Variants in SLC12A9 observed in about 807,000 individuals in gnomAD.
SLC12A9 encodes solute carrier family 12 member 9, also known as CCC-interacting protein 1.
Under a neutral mutation model 66.0 loss-of-function variants are expected in SLC12A9, and 55 were observed. The ratio of observed to expected loss-of-function variants is 0.83; its 90% CI spans 0.67 to 1.04. SLC12A9 has a LOEUF of 1.04. SLC12A9 is among the 50% of genes least tolerant of loss of function. The pLI, the probability that SLC12A9 is intolerant of heterozygous loss-of-function variation, is 0.00. For missense variants in SLC12A9, 1,061 were observed against 1,241.9 expected (o/e 0.85, Z 2.19); for synonymous variants, 577 against 569.0 (o/e 1.01, Z -0.20).
In SLC12A9 at chr7:100,859,906, T is replaced by G. The variant is rs766047846; in HGVS notation, c.999T>G (p.Tyr333Ter). Reference sequence around the variant, plus strand: ...CTAGGACCCTGCTGCAGGAAGACTATGGGTTCTTCCGCGCCATCAGCCTGT... The same window carrying G: ...CTAGGACCCTGCTGCAGGAAGACTAGGGGTTCTTCCGCGCCATCAGCCTGT... ...TCDRTLLQED[Y>*]GFFRAISLWP... The change falls in exon 8 of 14, where the codon TAT becomes TAG. Residue 333 changes from tyrosine to a stop codon, truncating the protein, a stop_gained. Transcript: ENST00000354161. LOFTEE classifies it high-confidence loss of function. 6.2e-7 allele frequency: 1 copy of G among 1,604,146 alleles called. No homozygotes were observed. The highest frequency in any genetic ancestry group is 1.7e-5 in the Admixed American group (1 of 59,852).
At chr7:100,849,190 G>A (rs1814002039), upstream of SLC12A9, among the ~76,000 whole-genome samples, 2 of 151,434 alleles carry the variant, frequency 1.3e-5, no homozygotes, top group Non-Finnish European at 1.5e-5. Context: ...GCCTCCCAAA[G>A]TGCTGGGATT....
In SLC12A9 at chr7:100,856,948, C is replaced by T; in HGVS notation, c.529C>T (p.Leu177Phe). The change falls in exon 5 of 14, where the codon CTT (leucine) becomes TTT (phenylalanine). Residue 177 changes from leucine to phenylalanine, a missense_variant. Leu to Phe is a conservative substitution (Grantham distance 22). Transcript: ENST00000354161. ...NLLYGSLLLG[L>F]VGGVCTLGAG... is the part of the protein sequence containing the mutation. ...GCTGTATGGCTCCCTGCTGCTGGGC[C>T]TTGTGGGTGGGGTCTGCACCCTGGG... 2.5e-6 allele frequency: 4 copies of T among 1,613,480 alleles called. No individual in the cohort carries two copies. Among genetic ancestry groups the T allele is most frequent in the Non-Finnish European group, 3.4e-6 (4 of 1,180,030 alleles).
chr7:100,851,310 C>CA (rs1814067886), upstream of SLC12A9, among the ~76,000 whole-genome samples: 1 of 151,918 alleles, frequency 6.6e-6, no homozygotes, highest in Non-Finnish European at 1.5e-5. Flanking sequence ...AGGTCCAAGG[C>CA]AAAACCACAG....
At chr7:100,865,321 A>G (rs1562997828) in intron 13 of SLC12A9, 1 of 1,535,882 alleles carries the variant, frequency 6.5e-7, no homozygotes, top group East Asian at 2.4e-5. Context: ...GATTCAGGTC[A>G]TGAGCTTGGC....
chr7:100,839,089 C>T (rs1329510606), intron 1 of SLC12A9, among the ~76,000 whole-genome samples: 1 of 151,986 alleles, frequency 6.6e-6, no homozygotes, highest in African/African-American at 2.4e-5. Context: ...TTTGGGAGGC[C>T]GAGGCGGGTG....
chr7:100,862,958 A>G (rs2116641471), intron 13 of SLC12A9, 131 bp downstream of exon 13: 4 of 1,105,412 alleles, frequency 3.6e-6, no homozygotes, highest in South Asian at 1.4e-5. Context: ...GAGATAAGAC[A>G]GTGCTCAAAG....
At position 100,862,620 on chromosome 7, in the gene SLC12A9, C is replaced by T; in HGVS notation, c.1712-61C>T. The stretch of plus-strand genomic sequence containing the variant: ...TGCCCAGGCCCGTCTGTGATTTGGA[C>T]TCTAGGAGACATTGAGTTTGGACAA... On this transcript the variant is annotated intron_variant, in intron 12 of 13. Coordinates refer to ENST00000354161, the MANE Select transcript of SLC12A9 (RefSeq NM_020246.4). 6.9e-6 allele frequency: 11 copies of T among 1,597,994 alleles called. No homozygotes were observed. In the South Asian group the frequency reaches 9.9e-5, roughly 14 times the overall value.
intron 9 of SLC12A9, chr7:100,860,903 A>G: frequency 1.5e-6 from 1 of 678,574 alleles, no homozygotes; most frequent in Non-Finnish European, 2.5e-6. Context: ...TTGGGGTTTA[A>G]TAGCATTTTA....
chr7:100,837,352 T>A (rs1404085014), intron 1 of SLC12A9: 1 of 94,216 alleles, frequency 1.1e-5, no homozygotes, highest in East Asian at 1.0e-3. Flanking sequence ...TAAAAAATGG[T>A]GGAGAGGACG....
chr7:100,858,999 C>T lies in SLC12A9; in HGVS notation c.866-51C>T, dbSNP rs891829590. On this transcript the variant is annotated intron_variant, in intron 6 of 13. Coordinates refer to ENST00000354161, the MANE Select transcript of SLC12A9 (RefSeq NM_020246.4). ...TTTGGGGCTGCCACCGTGAGGGACC[C>T]AGGGGGATGGCTGGAGGGCTGACCT... 3 of 1,611,870 alleles carry T rather than the reference C, an allele frequency of 1.9e-6. No individual in the cohort carries two copies. The Admixed American group carries it at 5.0e-5, about 27-fold the overall frequency.
chr7:100,845,073 A>G (rs1813878173), intron 1 of SLC12A9, among the ~76,000 whole-genome samples: 1 of 151,958 alleles, frequency 6.6e-6, no homozygotes, highest in African/African-American at 2.4e-5. Flanking sequence ...GATCACTTCT[A>G]GGTCCTAAAA....
rs1347675035 is a variant in SLC12A9, at chr7:100,859,065, C to T, written c.881C>T (p.Pro294Leu). The T allele has an allele frequency of 6.2e-7, 1 of 1,613,684 alleles. No individual in the cohort carries two copies. The highest frequency in any genetic ancestry group is 1.1e-5 in the South Asian group (1 of 91,088). Residue 294 changes from proline to leucine, a missense_variant, in exon 7 of 14, where the codon CCC becomes CTC. By Grantham distance (98) the Pro-to-Leu change is moderately conservative. Coordinates refer to ENST00000354161, the MANE Select transcript of SLC12A9 (RefSeq NM_020246.4). Reference protein sequence around the residue: ...GANMSGELKDPSRAIPLGTIV... With the variant: ...GANMSGELKDLSRAIPLGTIV... ...CCCTCTCCAGGGGAGCTGAAGGACC[C>T]CAGCCGGGCGATCCCTCTGGGCACG...
intron 1 of SLC12A9, among the ~76,000 whole-genome samples, chr7:100,846,636 T>G (rs1410388761): frequency 6.6e-6 from 1 of 151,580 alleles, no homozygotes; most frequent in Non-Finnish European, 1.5e-5. Context: ...ACTATATGAA[T>G]CACTATCGAT....
At chr7:100,827,685 C>G (rs1042679727) in intron 1 of SLC12A9, among the ~76,000 whole-genome samples, 1 of 151,716 alleles carries the variant, frequency 6.6e-6, no homozygotes, top group Non-Finnish European at 1.5e-5. Flanking sequence ...TGGAGCAGGT[C>G]GGGAAGTTGA....
In SLC12A9 at chr7:100,866,490, C is replaced by T. The variant is rs1414277654; in HGVS notation, c.2630C>T (p.Pro877Leu). 7 of 1,557,974 alleles carry T rather than the reference C, an allele frequency of 4.5e-6. No homozygotes were observed. Among genetic ancestry groups the T allele is most frequent in the Non-Finnish European group, 5.2e-6 (6 of 1,151,664 alleles). Residue 877 changes from proline to leucine, a missense_variant, in exon 14 of 14, where the codon CCA becomes CTA. Transcript: ENST00000354161. This position sits in a 1 kb window ranked among gnomAD's most constrained non-coding sequence, Gnocchi z 7.3. ...ALTFLYLPRP[P>L]ADPARYPRYL... ...ACCTTCCTGTACTTGCCTCGGCCGC[C>T]AGCCGATCCCGCCCGATACCCCCGC...
chr7:100,833,052 A>C lies in SLC12A9; in HGVS notation n.228+6005A>C, dbSNP rs1010960908. Among the ~76,000 whole-genome samples the C allele has an allele frequency of 7.2e-5, 11 of 152,148 alleles. 1 individual carries two copies. Among genetic ancestry groups the C allele is most frequent in the African/African-American group, 2.7e-4 (11 of 41,436 alleles). ...CAGCCTCCCAAAGTCCTATGATTAC[A>C]GGTGTGATCCACTGCACCTGGCCTG... On this transcript the variant is annotated intron_variant and non_coding_transcript_variant, in intron 1 of 1. Transcript: ENST00000461016.
chr7:100,830,583 G>A lies in SLC12A9; in HGVS notation n.228+3536G>A, dbSNP rs186126871. Reference sequence around the variant, plus strand: ...ATCAGCCCACACCCCACACCAGGCAGTAATCTATTTTCTACCATCTAGTGT... The same window carrying A: ...ATCAGCCCACACCCCACACCAGGCAATAATCTATTTTCTACCATCTAGTGT... On this transcript the variant is annotated intron_variant and non_coding_transcript_variant, in intron 1 of 1. Coordinates refer to the SLC12A9 transcript ENST00000461016. Among the ~76,000 whole-genome samples the A allele has an allele frequency of 8.4e-3, 1,275 of 151,690 alleles. 17 individuals carry two copies. Among genetic ancestry groups the A allele is most frequent in the Non-Finnish European group, 0.011 (765 of 67,938 alleles).
intron 5 of SLC12A9, chr7:100,857,515 G>T: frequency 3.8e-6 from 1 of 262,512 alleles, no homozygotes; most frequent in South Asian, 8.5e-5. Context: ...CTGACTATGG[G>T]CTGGGGAGGG....
chr7:100,831,800 G>A (rs1190645731), intron 1 of SLC12A9, among the ~76,000 whole-genome samples: 1 of 151,886 alleles, frequency 6.6e-6, no homozygotes, highest in African/African-American at 2.4e-5. Flanking sequence ...CCCTCTTCTG[G>A]GCCACCTAAC....
Sources: gnomAD v4.1 joint callset for allele counts (sites outside exome capture counted in the v4.1 genomes callset) on GRCh38, gnomAD v4.1.1 for gene constraint, Gnocchi (gnomAD v3.1) non-coding constraint, MANE v1.5 for transcripts, NCBI Gene and HGNC (gene_info 2026-07-23, HGNC 2026-07-21) for gene names.